LIN9: variants seen among roughly 807,000 people sequenced by gnomAD.
LIN9 encodes protein lin-9 homolog.
LIN9 carries 18 observed loss-of-function variants against 78.0 expected under a neutral mutation model. The observed-to-expected ratio is 0.23, with a 90% CI of 0.16 to 0.34. LIN9 has a LOEUF of 0.34. Among genes scored for constraint, LIN9 ranks in the 10% least tolerant of loss-of-function variants. The pLI is 1.00. For synonymous variants in LIN9, 192 were observed against 215.2 expected (o/e 0.89, Z 0.94); for missense variants, 451 against 644.1 (o/e 0.70, Z 3.25).
At chr1:226,269,445 G>C (rs73087874) in intron 7 of LIN9, among the ~76,000 whole-genome samples, 3,778 of 152,044 alleles carry the variant, frequency 0.025, 153 homozygotes, top group African/African-American at 0.087. Context: ...CCATTCCAGG[G>C]TACTGGAAAT....
At chr1:226,282,251 G>C (rs1204503006) in intron 6 of LIN9, among the ~76,000 whole-genome samples, 3 of 152,134 alleles carry the variant, frequency 2.0e-5, no homozygotes, top group East Asian at 1.9e-4. Context: ...TGGACTTTTA[G>C]GCTGTTGCCA....
chr1:226,260,729 C>G (rs1275704336), intron 10 of LIN9, among the ~76,000 whole-genome samples: 1 of 149,434 alleles, frequency 6.7e-6, no homozygotes, highest in Non-Finnish European at 1.5e-5. Context: ...ACTGCAAGCT[C>G]CGCCTCCCAG....
At chr1:226,296,416 G>A (rs563565690) in intron 3 of LIN9, among the ~76,000 whole-genome samples, 1 of 152,208 alleles carries the variant, frequency 6.6e-6, no homozygotes, top group South Asian at 2.1e-4. Context: ...GTCAAAAATT[G>A]TTAACCGAAT....
intron 12 of LIN9, among the ~76,000 whole-genome samples, chr1:226,237,055 A>C (rs1036725366): frequency 6.6e-6 from 1 of 152,178 alleles, no homozygotes; most frequent in African/African-American, 2.4e-5. Context: ...ATATGTTCTT[A>C]TTTTAAAATC....
chr1:226,261,279 C>T (rs1576306509), intron 10 of LIN9, among the ~76,000 whole-genome samples: 1 of 151,736 alleles, frequency 6.6e-6, no homozygotes, highest in East Asian at 1.9e-4. Flanking sequence ...ACTGGAAGTC[C>T]TAGCTAATGC....
chr1:226,301,580 G>C (rs1353491870), intron 1 of LIN9, among the ~76,000 whole-genome samples: 1 of 152,204 alleles, frequency 6.6e-6, no homozygotes, highest in East Asian at 1.9e-4. Context: ...GGCAAAGACT[G>C]ATGTAGTAAT....
chr1:226,286,382 T>C lies in LIN9; in HGVS notation c.475A>G (p.Thr159Ala). 1.2e-6 allele frequency: 2 copies of C among 1,612,886 alleles called. No individual in the cohort carries two copies. The highest frequency in any genetic ancestry group is 1.7e-6 in the Non-Finnish European group (2 of 1,179,592). The part of the protein sequence containing the change: ...SFPNLKTRKL[T>A]RVEWGKIRRL... The stretch of plus-strand genomic sequence containing the variant: ...CGAATTTTTCCCCATTCTACTCTTG[T>C]TAACTTTCTTGTTTTCAAATTAGGA... Residue 159 changes from threonine (T) to alanine (A), a missense_variant, in exon 6 of 15, where the codon ACA (threonine) becomes GCA (alanine). By Grantham distance (58) the Thr-to-Ala change is moderately conservative. Transcript: ENST00000681046.
intron 3 of LIN9, among the ~76,000 whole-genome samples, chr1:226,296,148 G>A (rs1271959494): frequency 5.3e-5 from 8 of 152,300 alleles, no homozygotes; most frequent in African/African-American, 1.9e-4. Context: ...TATACAAGGT[G>A]CTTATGAATG....
chr1:226,238,648 TAAAGAA>T (rs1438583318), intron 12 of LIN9, among the ~76,000 whole-genome samples: 14 of 151,518 alleles, frequency 9.2e-5, no homozygotes, highest in African/African-American at 2.9e-4. Flanking sequence ...AATAAATAAA[TAAAGAA>T]GAAGAAAAAA....
At chr1:226,245,970 G>A (rs964559986) in intron 11 of LIN9, among the ~76,000 whole-genome samples, 5 of 152,148 alleles carry the variant, frequency 3.3e-5, no homozygotes, top group Non-Finnish European at 4.4e-5. Flanking sequence ...AGATTAAAAT[G>A]TCATCCATCT....
chr1:226,232,887 T>C, intron 14 of LIN9: 1 of 494,530 alleles, frequency 2.0e-6, no homozygotes, highest in Non-Finnish European at 3.5e-6. Flanking sequence ...ACCCCAAACC[T>C]AAATATATGT....
intron 1 of LIN9, among the ~76,000 whole-genome samples, chr1:226,305,666 C>G (rs1462063852): frequency 6.6e-6 from 1 of 151,922 alleles, no homozygotes; most frequent in Non-Finnish European, 1.5e-5. Context: ...TGCAAAGACC[C>G]TGGAGAAAAG....
chr1:226,277,293 T>A (rs1340739072), intron 7 of LIN9, among the ~76,000 whole-genome samples: 2 of 152,308 alleles, frequency 1.3e-5, no homozygotes, highest in South Asian at 2.1e-4. Flanking sequence ...TTCATCTTTG[T>A]AGCAGTTGGC....
At chr1:226,307,290 G>A (rs1662974716) in intron 1 of LIN9, among the ~76,000 whole-genome samples, 1 of 152,232 alleles carries the variant, frequency 6.6e-6, no homozygotes, top group Admixed American at 6.5e-5. Flanking sequence ...ATTTTCGGAT[G>A]ACAAGTACAC....
rs398053860 is a variant in LIN9, at chr1:226,278,957, T to TAA, written c.525-1027_525-1026dup. Among the ~76,000 whole-genome samples the TAA allele has an allele frequency of 2.8e-3, 325 of 115,642 alleles. 3 individuals are homozygous for TAA. Among genetic ancestry groups the TAA allele is most frequent in the East Asian group, 0.022 (93 of 4,190 alleles). The allele number at this position is 115,642 out of a possible 152,430, so 75.9% of individuals were successfully genotyped here. ...TAACATGGTGAAACCCCGTCTCTACTAAAAAAAAAAAAAAAACCAAAAAAC... is the reference window on the plus strand; with the variant it reads ...TAACATGGTGAAACCCCGTCTCTACTAAAAAAAAAAAAAAAAAACCAAAAAAC... On this transcript the variant is annotated intron_variant, in intron 6 of 14. Transcript: ENST00000681046.
In LIN9 at chr1:226,231,201, T is replaced by G. The variant is rs1026530491; in HGVS notation, c.*1300A>C. On this transcript the variant is annotated 3_prime_UTR_variant, in exon 15 of 15. Transcript: ENST00000681046. The stretch of plus-strand genomic sequence containing the variant: ...TATTTAGAATTACAAATATTAAGAA[T>G]AGAAGATTTATGCATTTCTTAATTA... 2.6e-5 allele frequency: 4 copies of G among 152,634 alleles called. No homozygotes were observed. Among genetic ancestry groups the G allele is most frequent in the Non-Finnish European group, 4.4e-5 (3 of 68,030 alleles). The allele number at this position is 152,634 out of a possible 1,614,324, so 9.5% of individuals were successfully genotyped here.
At chr1:226,280,706 CAG>C (rs1339779540) in intron 6 of LIN9, among the ~76,000 whole-genome samples, 2 of 152,038 alleles carry the variant, frequency 1.3e-5, no homozygotes, top group Non-Finnish European at 2.9e-5. Flanking sequence ...ACCTGGGAGA[CAG>C]AGATTGCAGT....
intron 10 of LIN9, among the ~76,000 whole-genome samples, chr1:226,262,896 A>T (rs1327003886): frequency 6.6e-6 from 1 of 152,250 alleles, no homozygotes; most frequent in Non-Finnish European, 1.5e-5. Context: ...GATGTCTTTC[A>T]GTTTGTCAAT....
intron 11 of LIN9, among the ~76,000 whole-genome samples, chr1:226,244,951 A>G (rs1658369770): frequency 6.6e-6 from 1 of 152,200 alleles, no homozygotes; most frequent in Non-Finnish European, 1.5e-5. Context: ...ACATGCTGCA[A>G]TGAACATGTA....
Sources: allele counts gnomAD v4.1 joint callset (sites outside exome capture counted in the v4.1 genomes callset), GRCh38; gene constraint gnomAD v4.1.1; transcripts MANE v1.5; gene names NCBI Gene and HGNC (gene_info 2026-07-23, HGNC 2026-07-21).